The following VTI1A variants were observed in gnomAD, a reference collection of about 807,000 sequenced individuals.
VTI1A encodes vesicle transport through interaction with t-SNAREs homolog 1A.
Under a neutral mutation model 34.9 loss-of-function variants are expected in VTI1A, and 22 were observed. The observed-to-expected ratio is 0.63, with a 90% CI of 0.45 to 0.90. The LOEUF is 0.90. VTI1A is among the 40% of genes least tolerant of loss of function. The pLI is 0.00. For missense variants in VTI1A, 268 were observed against 275.6 expected (o/e 0.97, Z 0.20); for synonymous variants, 87 against 97.3 (o/e 0.89, Z 0.62).
intron 5 of VTI1A, among the ~76,000 whole-genome samples, chr10:112,611,715 A>T (rs141939632): frequency 0.011 from 1,662 of 149,576 alleles, 11 homozygotes; most frequent in Non-Finnish European, 0.017. Context: ...CCTTTGGTAA[A>T]GCCCATTTGG....
At chr10:112,724,947 TGTTA>T (rs771123589) in intron 7 of VTI1A, among the ~76,000 whole-genome samples, 1 of 152,194 alleles carries the variant, frequency 6.6e-6, no homozygotes, top group African/African-American at 2.4e-5. Flanking sequence ...TGTTTTGTTT[TGTTA>T]GAGTGTTTTA....
the VTI1A span, among the ~76,000 whole-genome samples, chr10:112,849,638 A>C: frequency 6.6e-6 from 1 of 152,182 alleles, no homozygotes; most frequent in Non-Finnish European, 1.5e-5. Flanking sequence ...CATTCTTGTC[A>C]CTTTAAATTA....
At chr10:112,832,679 A>T in the VTI1A span, among the ~76,000 whole-genome samples, 1 of 152,222 alleles carries the variant, frequency 6.6e-6, no homozygotes. Flanking sequence ...TGCATCCAAT[A>T]TGGAAATGTT....
At chr10:112,765,194 G>A (rs1851604623) in intron 7 of VTI1A, among the ~76,000 whole-genome samples, 1 of 123,916 alleles carries the variant, frequency 8.1e-6, no homozygotes, top group Non-Finnish European at 1.6e-5. Flanking sequence ...TAGTTTGTAT[G>A]TTTTGTTTTG....
chr10:112,814,510 T>C (rs1853438388), intron 7 of VTI1A, among the ~76,000 whole-genome samples: 1 of 152,162 alleles, frequency 6.6e-6, no homozygotes, highest in Non-Finnish European at 1.5e-5. Flanking sequence ...TCAGAAGCTC[T>C]CTGCAGGCAT....
the VTI1A span, among the ~76,000 whole-genome samples, chr10:112,828,832 T>G: frequency 1.4e-5 from 2 of 148,108 alleles, no homozygotes; most frequent in Non-Finnish European, 3.0e-5. Flanking sequence ...AGCAACATAG[T>G]GAGACCTGGG....
intron 4 of VTI1A, among the ~76,000 whole-genome samples, chr10:112,530,105 T>A (rs1186985382): frequency 6.6e-6 from 1 of 152,146 alleles, no homozygotes; most frequent in Admixed American, 6.5e-5. Flanking sequence ...ACCCTTTGCA[T>A]TTAATTCCAA....
intron 1 of VTI1A, among the ~76,000 whole-genome samples, chr10:112,453,208 G>A (rs1234625371): frequency 2.6e-5 from 4 of 152,156 alleles, no homozygotes; most frequent in African/African-American, 9.7e-5. Context: ...GACCACAGAA[G>A]TAAAGCATCA....
At chr10:112,784,060 A>T (rs1257555150) in intron 7 of VTI1A, among the ~76,000 whole-genome samples, 1 of 152,218 alleles carries the variant, frequency 6.6e-6, no homozygotes, top group Non-Finnish European at 1.5e-5. Flanking sequence ...AAAGCAGAAC[A>T]TTTAAACACA....
intron 5 of VTI1A, among the ~76,000 whole-genome samples, chr10:112,541,748 A>G (rs1466520432): frequency 2.0e-5 from 3 of 152,222 alleles, no homozygotes; most frequent in African/African-American, 7.2e-5. Flanking sequence ...AGAGGGACAC[A>G]TGTCCATAAT....
intron 5 of VTI1A, among the ~76,000 whole-genome samples, chr10:112,631,117 G>A (rs1308551129): frequency 1.3e-5 from 2 of 151,176 alleles, no homozygotes; most frequent in Admixed American, 6.6e-5. Flanking sequence ...CAACAAGAGC[G>A]AAACTCTGTC....
At chr10:112,688,521 CTTTT>C (rs59853999) in intron 7 of VTI1A, among the ~76,000 whole-genome samples, 3 of 116,446 alleles carry the variant, frequency 2.6e-5, no homozygotes, top group African/African-American at 1.0e-4. Context: ...CAATTTTTTT[CTTTT>C]TTTTTTTTTT....
At chr10:112,478,823 C>G (rs924815433) in intron 3 of VTI1A, among the ~76,000 whole-genome samples, 3 of 151,796 alleles carry the variant, frequency 2.0e-5, no homozygotes, top group Admixed American at 6.6e-5. Context: ...CTTTGGATTT[C>G]CTTCCCATTT....
the VTI1A span, among the ~76,000 whole-genome samples, chr10:112,834,532 G>A: frequency 4.6e-5 from 7 of 152,260 alleles, no homozygotes; most frequent in South Asian, 2.1e-4. Context: ...CAGACCCTCC[G>A]CCCAGTGGAC....
At chr10:112,488,464 T>G (rs1848717987) in intron 3 of VTI1A, among the ~76,000 whole-genome samples, 1 of 152,216 alleles carries the variant, frequency 6.6e-6, no homozygotes, top group African/African-American at 2.4e-5. Context: ...TTATTCTTGG[T>G]TAAGATAGAG....
intron 7 of VTI1A, among the ~76,000 whole-genome samples, chr10:112,727,552 A>G (rs1218638014): frequency 6.6e-6 from 1 of 152,182 alleles, no homozygotes; most frequent in East Asian, 1.9e-4. Flanking sequence ...TGAAATAAAT[A>G]GAATAATCTT....
chr10:112,754,420 G>C (rs1851211171), intron 7 of VTI1A, among the ~76,000 whole-genome samples: 1 of 152,176 alleles, frequency 6.6e-6, no homozygotes, highest in South Asian at 2.1e-4. Flanking sequence ...GTGCTCCCAG[G>C]AAGTTTCTTC....
At chr10:112,635,233 G>A (rs1190559971) in intron 5 of VTI1A, among the ~76,000 whole-genome samples, 2 of 152,218 alleles carry the variant, frequency 1.3e-5, no homozygotes, top group Non-Finnish European at 2.9e-5. Flanking sequence ...TGTAAATCTT[G>A]TGGAGATGAG....
chr10:112,518,587 CTCTA>C (rs1432630270), intron 3 of VTI1A, among the ~76,000 whole-genome samples: 158 of 93,678 alleles, frequency 1.7e-3, no homozygotes, highest in South Asian at 4.2e-3. Context: ...CTCTCTCTCT[CTCTA>C]TATATATATA....
Sources: allele counts gnomAD v4.1 joint callset (sites outside exome capture counted in the v4.1 genomes callset), GRCh38; gene constraint gnomAD v4.1.1; transcripts MANE v1.5; gene names NCBI Gene and HGNC (gene_info 2026-07-23, HGNC 2026-07-21).